The following NSMCE2 variants were observed in gnomAD, a reference collection of about 807,000 sequenced individuals.
NSMCE2 encodes the protein E3 SUMO-protein ligase NSE2.
A neutral mutation model predicts 23.8 loss-of-function variants in NSMCE2; 24 were observed. That is an observed-to-expected ratio of 1.01 (90% CI 0.73 to 1.42). The LOEUF is 1.42. Among genes scored for constraint, NSMCE2 ranks in the 40% most tolerant of loss-of-function variants. The pLI is 0.00. For synonymous variants in NSMCE2, 92 were observed against 94.1 expected (o/e 0.98, Z 0.13); for missense variants, 284 against 296.5 (o/e 0.96, Z 0.31).
chr8:125,109,679 T>G (rs538305470), intron 3 of NSMCE2, among the ~76,000 whole-genome samples: 33 of 152,218 alleles, frequency 2.2e-4, no homozygotes, highest in Middle Eastern at 3.4e-3. Context: ...TGGTGATGTG[T>G]TTTATTTTGT....
intron 3 of NSMCE2, among the ~76,000 whole-genome samples, chr8:125,148,387 G>A (rs188090132): frequency 8.4e-4 from 128 of 152,212 alleles, no homozygotes; most frequent in Admixed American, 2.9e-3. Flanking sequence ...CATTTATTTC[G>A]TTTTGCAGCT....
At chr8:125,352,432 C>T (rs373891872) in intron 5 of NSMCE2, among the ~76,000 whole-genome samples, 213 of 150,032 alleles carry the variant, frequency 1.4e-3, no homozygotes, top group African/African-American at 4.8e-3. Context: ...GCCGAGATCA[C>T]GCCATTGCAC....
At chr8:125,299,040 TA>T (rs1281022360) in intron 5 of NSMCE2, among the ~76,000 whole-genome samples, 2 of 152,226 alleles carry the variant, frequency 1.3e-5, no homozygotes, top group East Asian at 3.8e-4. Flanking sequence ...TTGATGCTAG[TA>T]AAAAATAATG....
intron 5 of NSMCE2, among the ~76,000 whole-genome samples, chr8:125,226,825 A>G (rs1285186386): frequency 1.3e-5 from 2 of 152,030 alleles, no homozygotes; most frequent in African/African-American, 2.4e-5. Flanking sequence ...TCCCTGTTTG[A>G]CAGTCTGGCT....
chr8:125,146,734 T>C (rs4871572), intron 3 of NSMCE2, among the ~76,000 whole-genome samples: 74,027 of 151,728 alleles, frequency 0.49, 22,332 homozygotes, highest in African/African-American at 0.86. Context: ...CGTCACACAC[T>C]GGGGCCTGTT....
intron 5 of NSMCE2, among the ~76,000 whole-genome samples, chr8:125,280,123 G>A (rs1489650877): frequency 1.3e-5 from 2 of 152,160 alleles, no homozygotes; most frequent in Non-Finnish European, 2.9e-5. Context: ...CCCAAAAGCT[G>A]TCAGTAAACA....
intron 3 of NSMCE2, among the ~76,000 whole-genome samples, chr8:125,116,060 G>A (rs1452407918): frequency 3.9e-5 from 6 of 152,106 alleles, no homozygotes; most frequent in East Asian, 1.9e-4. Context: ...CCATGACCTC[G>A]ATTTATCTGT....
At chr8:125,120,338 C>T (rs1243634385) in intron 3 of NSMCE2, among the ~76,000 whole-genome samples, 1 of 152,280 alleles carries the variant, frequency 6.6e-6, no homozygotes, top group South Asian at 2.1e-4. Context: ...TCAAACCAGT[C>T]GGTAAAACGA....
chr8:125,214,278 A>G (rs1338170585), intron 5 of NSMCE2, among the ~76,000 whole-genome samples: 14 of 152,198 alleles, frequency 9.2e-5, no homozygotes, highest in Admixed American at 9.2e-4. Context: ...CACAAACAGT[A>G]AGGTCAAGAC....
chr8:125,273,295 A>G (rs2131097177), intron 5 of NSMCE2, among the ~76,000 whole-genome samples: 1 of 152,350 alleles, frequency 6.6e-6, no homozygotes, highest in Non-Finnish European at 1.5e-5. Context: ...TAGGTCAGCC[A>G]TCAGTGTGTG....
chr8:125,180,991 T>G (rs1208762596), intron 4 of NSMCE2, among the ~76,000 whole-genome samples: 1 of 152,138 alleles, frequency 6.6e-6, no homozygotes, highest in Non-Finnish European at 1.5e-5. Context: ...CCTGGAGTGG[T>G]GGTAGAAGTC....
At chr8:125,326,844 T>A (rs1266678543) in intron 5 of NSMCE2, among the ~76,000 whole-genome samples, 1 of 151,296 alleles carries the variant, frequency 6.6e-6, no homozygotes, top group Non-Finnish European at 1.5e-5. Context: ...TAATCCCAAC[T>A]ACTCAGGAGA....
rs1316107427 is a variant in NSMCE2 at position 125,240,576 on chromosome 8, T to G, written c.418+58320T>G. On this transcript the variant is annotated intron_variant, in intron 5 of 7. Coordinates refer to ENST00000287437, the MANE Select transcript of NSMCE2 (RefSeq NM_173685.4). The stretch of plus-strand genomic sequence containing the variant: ...TCTATTCTGCCTTTCTGAATTCTTT[T>G]TCTGCATCACCTGTTCTTCAATCTT... Among the ~76,000 whole-genome samples, 3 of 152,242 alleles carry G rather than the reference T, an allele frequency of 2.0e-5. No individual in the cohort carries two copies. In the East Asian group the frequency reaches 5.8e-4, roughly 29 times the overall value.
intron 5 of NSMCE2, among the ~76,000 whole-genome samples, chr8:125,230,348 A>G (rs976855166): frequency 6.6e-6 from 1 of 152,304 alleles, no homozygotes; most frequent in Non-Finnish European, 1.5e-5. Context: ...AGGCCCTACA[A>G]TTGTATGATT....
At chr8:125,309,777 G>A (rs1394760879) in intron 5 of NSMCE2, among the ~76,000 whole-genome samples, 1 of 152,154 alleles carries the variant, frequency 6.6e-6, no homozygotes, top group Admixed American at 6.5e-5. Flanking sequence ...TTTCACATGA[G>A]GCCGTGGACT....
intron 5 of NSMCE2, among the ~76,000 whole-genome samples, chr8:125,185,945 C>T (rs1371090620): frequency 1.3e-5 from 2 of 152,168 alleles, no homozygotes; most frequent in African/African-American, 4.8e-5. Flanking sequence ...TTGTCTCACA[C>T]ATTGGTAATT....
chr8:125,304,610 A>G (rs554028978), intron 5 of NSMCE2, among the ~76,000 whole-genome samples: 18 of 152,274 alleles, frequency 1.2e-4, no homozygotes, highest in Admixed American at 7.8e-4. Context: ...TAATCCTAGC[A>G]CTTTGGGAGG....
intron 5 of NSMCE2, among the ~76,000 whole-genome samples, chr8:125,291,493 A>G (rs538556133): frequency 1.2e-4 from 18 of 152,328 alleles, no homozygotes; most frequent in African/African-American, 4.3e-4. Context: ...AGTGCACAAT[A>G]GGAGATATAC....
intron 7 of NSMCE2, among the ~76,000 whole-genome samples, chr8:125,359,252 T>A (rs1586818864): frequency 7.3e-6 from 1 of 136,078 alleles, no homozygotes; most frequent in African/African-American, 2.7e-5. Context: ...GGTCACAGAG[T>A]GATACTCTGT....
Sources: gnomAD v4.1 joint callset for allele counts (sites outside exome capture counted in the v4.1 genomes callset) on GRCh38, gnomAD v4.1.1 for gene constraint, MANE v1.5 for transcripts, NCBI Gene and HGNC (gene_info 2026-07-23, HGNC 2026-07-21) for gene names.